The following IGSF21 variants were observed in gnomAD, a reference collection of about 807,000 sequenced individuals.
IGSF21 encodes the protein immunoglobin superfamily member 21.
A neutral mutation model predicts 46.8 loss-of-function variants in IGSF21; 28 were observed. The ratio of observed to expected loss-of-function variants is 0.60; its 90% CI spans 0.44 to 0.82. The LOEUF (loss-of-function observed/expected upper bound fraction) is 0.82. Among genes scored for constraint, IGSF21 ranks in the 40% least tolerant of loss-of-function variants. The probability of loss-of-function intolerance (pLI) is 0.00; values close to 1 mark genes in which losing one functional copy is unlikely to be tolerated. For synonymous variants in IGSF21, 284 were observed against 273.6 expected, an observed-to-expected ratio of 1.04 and a Z score of -0.38; for missense variants, 624 against 665.5, an observed-to-expected ratio of 0.94 and a Z score of 0.69.
chr1:18,136,508 A>C (rs1325814957), intron 1 of IGSF21, among the ~76,000 whole-genome samples: 3 of 152,200 alleles, frequency 2.0e-5, no homozygotes, highest in Non-Finnish European at 4.4e-5. Context: ...CCATTTATTA[A>C]ATAGGGAATC....
At chr1:18,317,120 G>C (rs1423266175) in intron 3 of IGSF21, among the ~76,000 whole-genome samples, 2 of 152,202 alleles carry the variant, frequency 1.3e-5, no homozygotes, top group African/African-American at 4.8e-5. Flanking sequence ...TCTAGGCTTT[G>C]GGCAGGGCTA....
intron 1 of IGSF21, among the ~76,000 whole-genome samples, chr1:18,208,931 GC>G (rs1283378666): frequency 1.3e-5 from 2 of 152,116 alleles, no homozygotes; most frequent in Non-Finnish European, 2.9e-5. Context: ...GGCACATACT[GC>G]AGGATTCCAG....
chr1:18,161,740 T>C (rs909087151), intron 1 of IGSF21, among the ~76,000 whole-genome samples: 4 of 152,128 alleles, frequency 2.6e-5, no homozygotes, highest in Non-Finnish European at 4.4e-5. Context: ...ACTGATACAG[T>C]CTCGCGTGGC....
Position 18,210,388 on chromosome 1 carries a change from G to A in IGSF21, c.71-17510G>A, listed in dbSNP as rs186317399. ...GCAAAATCAAAATATGTTCCAGAGAGCAGGAAAGATGCTCCCATGGAGTGA... is the reference window on the plus strand; with the variant it reads ...GCAAAATCAAAATATGTTCCAGAGAACAGGAAAGATGCTCCCATGGAGTGA... On this transcript the variant is annotated intron_variant, in intron 1 of 9. Coordinates refer to ENST00000251296, the MANE Select transcript of IGSF21 (RefSeq NM_032880.5). Among the ~76,000 whole-genome samples the A allele has an allele frequency of 7.9e-5, 12 of 152,332 alleles. No individual in the cohort carries two copies. In the East Asian group the frequency reaches 2.3e-3, roughly 29 times the overall value.
chr1:18,339,146 T>G (rs1179301588), intron 4 of IGSF21, among the ~76,000 whole-genome samples: 1 of 152,176 alleles, frequency 6.6e-6, no homozygotes, highest in Admixed American at 6.5e-5. Flanking sequence ...ACAAAAGCCC[T>G]TGGATGTGGG....
intron 3 of IGSF21, among the ~76,000 whole-genome samples, chr1:18,310,911 C>T (rs1466259442): frequency 6.6e-6 from 1 of 152,188 alleles, no homozygotes; most frequent in Non-Finnish European, 1.5e-5. Flanking sequence ...CGTTCTCCCG[C>T]TGTGTGTCTG....
chr1:18,355,659 A>G (rs1260311137), intron 4 of IGSF21, among the ~76,000 whole-genome samples: 1 of 151,972 alleles, frequency 6.6e-6, no homozygotes, highest in African/African-American at 2.4e-5. Flanking sequence ...GGGTAGGGGC[A>G]GAGATCAGTG....
intron 2 of IGSF21, chr1:18,278,895 T>C: frequency 2.1e-6 from 1 of 471,782 alleles, no homozygotes; most frequent in South Asian, 1.5e-5. Context: ...GTAATGGGTA[T>C]ATGGGTGTTT....
intron 1 of IGSF21, among the ~76,000 whole-genome samples, chr1:18,159,623 G>A (rs763343759): frequency 5.3e-5 from 8 of 151,852 alleles, no homozygotes; most frequent in Non-Finnish European, 5.9e-5. Context: ...CTCCCCAGCC[G>A]TGTGGAACTG....
At chr1:18,174,750 G>A (rs1222936034) in intron 1 of IGSF21, among the ~76,000 whole-genome samples, 2 of 152,238 alleles carry the variant, frequency 1.3e-5, no homozygotes, top group Non-Finnish European at 2.9e-5. Context: ...CCCAGGGCTT[G>A]AGCCCCGTTG....
intron 1 of IGSF21, among the ~76,000 whole-genome samples, chr1:18,138,437 T>G (rs1468205444): frequency 6.6e-6 from 1 of 152,136 alleles, no homozygotes; most frequent in Non-Finnish European, 1.5e-5. Context: ...TATTGCTTGC[T>G]TTTGGGGTTC....
chr1:18,250,275 A>G (rs548821005), intron 2 of IGSF21, among the ~76,000 whole-genome samples: 17 of 151,976 alleles, frequency 1.1e-4, no homozygotes, highest in Admixed American at 1.0e-3. Flanking sequence ...TTCCTTCAGG[A>G]GCAAATGACT....
chr1:18,225,031 C>T (rs12129826), intron 1 of IGSF21, among the ~76,000 whole-genome samples: 67,490 of 146,380 alleles, frequency 0.46, 16,803 homozygotes, highest in Non-Finnish European at 0.53. Flanking sequence ...CACCACTGCA[C>T]TCCAGCCTGG....
intron 3 of IGSF21, among the ~76,000 whole-genome samples, chr1:18,320,510 G>A (rs1191131498): frequency 6.6e-6 from 1 of 152,210 alleles, no homozygotes; most frequent in African/African-American, 2.4e-5. Flanking sequence ...CGGGAGTCAG[G>A]TTTGGCCCCG....
At chr1:18,258,186 G>A (rs557871525) in intron 2 of IGSF21, among the ~76,000 whole-genome samples, 19 of 152,170 alleles carry the variant, frequency 1.2e-4, no homozygotes, top group Non-Finnish European at 2.5e-4. Flanking sequence ...CAGAAGGGAT[G>A]GGAGAGGGAA....
At chr1:18,255,699 C>T (rs911015900) in intron 2 of IGSF21, among the ~76,000 whole-genome samples, 3 of 152,162 alleles carry the variant, frequency 2.0e-5, no homozygotes, top group Non-Finnish European at 4.4e-5. Context: ...TCCTCAACCC[C>T]CCTTCCTACT....
intron 6 of IGSF21, among the ~76,000 whole-genome samples, chr1:18,371,458 A>G (rs1255429712): frequency 6.6e-6 from 1 of 152,008 alleles, no homozygotes; most frequent in African/African-American, 2.4e-5. Context: ...TGTAGGCCCA[A>G]CTACTTGGGA....
intron 5 of IGSF21, among the ~76,000 whole-genome samples, chr1:18,362,547 G>A (rs1193346226): frequency 6.6e-6 from 1 of 152,168 alleles, no homozygotes; most frequent in South Asian, 2.1e-4. Flanking sequence ...TGAGTCCCAC[G>A]GAGACAAATG....
rs549923350 is a variant in IGSF21 at position 18,334,035 on chromosome 1, G to A, written c.306-857G>A. Among the ~76,000 whole-genome samples the A allele has an allele frequency of 1.0e-3, 157 of 152,312 alleles. No homozygotes were observed. The highest frequency in any genetic ancestry group is 3.8e-3 in the African/African-American group (156 of 41,564). ...GATTGTAGCTGCTTTTGTGCTGCAAGGACAGGGTTGAATTGCAATTGTAAA... is the reference window on the plus strand; with the variant it reads ...GATTGTAGCTGCTTTTGTGCTGCAAAGACAGGGTTGAATTGCAATTGTAAA... On this transcript the variant is annotated intron_variant, in intron 3 of 9. Transcript: ENST00000251296. This position sits in a 1 kb window ranked among gnomAD's most constrained non-coding sequence, Gnocchi z 4.3.
Sources: allele counts gnomAD v4.1 joint callset (sites outside exome capture counted in the v4.1 genomes callset), GRCh38; gene constraint gnomAD v4.1.1; non-coding constraint Gnocchi (gnomAD v3.1); transcripts MANE v1.5; gene names NCBI Gene and HGNC (gene_info 2026-07-23, HGNC 2026-07-21).